Variants in DPYD observed in about 807,000 individuals in gnomAD.
DPYD encodes dihydropyrimidine dehydrogenase [NADP(+)].
A neutral mutation model predicts 116.2 loss-of-function variants in DPYD; 109 were observed. The ratio of observed to expected loss-of-function variants is 0.94; its 90% CI spans 0.80 to 1.10. The LOEUF (loss-of-function observed/expected upper bound fraction) is 1.10, where lower values mean the gene tolerates loss of function less well. DPYD is among the 50% of genes least tolerant of loss of function. The probability of loss-of-function intolerance (pLI) is 0.00; values close to 1 mark genes in which losing one functional copy is unlikely to be tolerated. For missense variants in DPYD, 1,302 were observed against 1,254.5 expected, an observed-to-expected ratio of 1.04 and a Z score of -0.57; for synonymous variants, 440 against 432.0, an observed-to-expected ratio of 1.02 and a Z score of -0.23.
At position 97,330,729 on chromosome 1, in the gene DPYD, C is replaced by T. The variant is rs540180156; in HGVS notation, c.2059-24432G>A. 4.6e-5 allele frequency among the ~76,000 whole-genome samples: 7 copies of T among 152,170 alleles called. No individual in the cohort carries two copies. In the South Asian group the frequency reaches 1.2e-3, roughly 27 times the overall value. On this transcript the variant is annotated intron_variant, in intron 16 of 22. Transcript: ENST00000370192. ...CTTTTGGGAAAGTCACAGTTAACTC[C>T]GTATATTCTATAACTACACAAATTA...
chr1:97,704,679 A>G (rs1233985221), intron 5 of DPYD, among the ~76,000 whole-genome samples: 1 of 152,026 alleles, frequency 6.6e-6, no homozygotes, highest in Non-Finnish European at 1.5e-5. Context: ...TTCTTAGAAT[A>G]TAGTTCCCTA....
rs532341730 is a variant in DPYD at position 97,573,827 on chromosome 1, A to G, written c.1272T>C (p.Asp424=). The G allele has an allele frequency of 2.5e-6, 4 of 1,613,638 alleles. No individual in the cohort carries two copies. Among genetic ancestry groups the G allele is most frequent in the East Asian group, 2.2e-5 (1 of 44,860 alleles). The change falls in exon 11 of 23, where the codon GAT becomes GAC. Residue 424 remains aspartate (D), a synonymous_variant. Coordinates refer to ENST00000370192, the MANE Select transcript of DPYD (RefSeq NM_000110.4). ...DETGKWNEDE[D]QMVHLKADVV... ...CATCGGCTTTCAGATGGACCATCTG[A>G]TCTTCATCTTCATTCCATTTTCCAG...
chr1:97,901,549 A>C (rs998166605), intron 1 of DPYD, among the ~76,000 whole-genome samples: 4 of 151,816 alleles, frequency 2.6e-5, no homozygotes, highest in Non-Finnish European at 5.9e-5. Flanking sequence ...TTGTAAAGAG[A>C]CAGAAAAGTA....
intron 20 of DPYD, among the ~76,000 whole-genome samples, chr1:97,156,437 C>T (rs1383269400): frequency 6.6e-6 from 1 of 151,904 alleles, no homozygotes; most frequent in Non-Finnish European, 1.5e-5. Context: ...ACAAACAACC[C>T]CATCAAAAAG....
At chr1:97,477,574 A>C (rs1678039441) in intron 13 of DPYD, among the ~76,000 whole-genome samples, 1 of 150,998 alleles carries the variant, frequency 6.6e-6, no homozygotes, top group Non-Finnish European at 1.5e-5. Context: ...GTTAATATGA[A>C]GATTCTGACC....
At chr1:97,291,376 A>T (rs1666159085) in intron 18 of DPYD, among the ~76,000 whole-genome samples, 1 of 151,992 alleles carries the variant, frequency 6.6e-6, no homozygotes, top group Non-Finnish European at 1.5e-5. Flanking sequence ...TGCTATAAAG[A>T]CACATGCACA....
Position 97,382,134 on chromosome 1 carries a change from T to C in DPYD, c.1974+259A>G, listed in dbSNP as rs6678229. ...GCTTAACATGCAAATAAAGAGTGTATGGATTCAGAGAATAAAGGATTTTTA... is the reference window on the plus strand; with the variant it reads ...GCTTAACATGCAAATAAAGAGTGTACGGATTCAGAGAATAAAGGATTTTTA... On this transcript the variant is annotated intron_variant, in intron 15 of 22. Coordinates refer to ENST00000370192, the MANE Select transcript of DPYD (RefSeq NM_000110.4). 7.7e-3 allele frequency among the ~76,000 whole-genome samples: 1,173 copies of C among 152,284 alleles called. 18 individuals carry two copies. Among genetic ancestry groups the C allele is most frequent in the African/African-American group, 0.027 (1,121 of 41,576 alleles).
chr1:97,278,872 T>C (rs1233662714), intron 18 of DPYD, among the ~76,000 whole-genome samples: 1 of 152,226 alleles, frequency 6.6e-6, no homozygotes, highest in East Asian at 1.9e-4. Context: ...AACACATATA[T>C]ACATAAATAT....
intron 8 of DPYD, among the ~76,000 whole-genome samples, chr1:97,633,469 A>G (rs1657390219): frequency 6.6e-6 from 1 of 152,068 alleles, no homozygotes; most frequent in South Asian, 2.1e-4. Flanking sequence ...GGGAACCTAG[A>G]GAGAGTGGGA....
intron 18 of DPYD, among the ~76,000 whole-genome samples, chr1:97,303,643 A>T (rs1405781154): frequency 6.6e-6 from 1 of 152,052 alleles, no homozygotes; most frequent in African/African-American, 2.4e-5. Context: ...AAAGGAGGAA[A>T]ACTATATTAA....
intron 8 of DPYD, among the ~76,000 whole-genome samples, chr1:97,598,816 A>AT (rs1476003461): frequency 2.6e-5 from 4 of 152,172 alleles, no homozygotes; most frequent in African/African-American, 9.7e-5. Flanking sequence ...ATATGAGGAA[A>AT]TTGAGGCATA....
chr1:97,573,984 G>T lies in DPYD; in HGVS notation c.1129-14C>A. On this transcript the variant is annotated splice_polypyrimidine_tract_variant and intron_variant, in intron 10 of 22. Transcript: ENST00000370192. ...AGCAAGTTCCATCTAAAACAAAACA[G>T]AACAGAGAAGAAACTTGAAAATGTT... The T allele has an allele frequency of 1.2e-6, 2 of 1,612,660 alleles. No homozygotes were observed. Among genetic ancestry groups the T allele is most frequent in the South Asian group, 2.2e-5 (2 of 90,950 alleles).
intron 8 of DPYD, among the ~76,000 whole-genome samples, chr1:97,634,270 G>T (rs1657434708): frequency 6.6e-6 from 1 of 152,014 alleles, no homozygotes; most frequent in East Asian, 1.9e-4. Flanking sequence ...TCCTGTAAAA[G>T]ATTCTAATGC....
At chr1:97,273,807 C>A (rs61786315) in intron 18 of DPYD, among the ~76,000 whole-genome samples, 1 of 152,082 alleles carries the variant, frequency 6.6e-6, no homozygotes, top group East Asian at 1.9e-4. Context: ...ATTTGAAACC[C>A]TGAAGCCCCA....
chr1:97,250,357 A>G (rs1266753121), intron 18 of DPYD, among the ~76,000 whole-genome samples: 5 of 152,230 alleles, frequency 3.3e-5, no homozygotes, highest in Non-Finnish European at 7.3e-5. Flanking sequence ...AATGACATAC[A>G]TCTATCCTAT....
At position 97,667,490 on chromosome 1, in the gene DPYD, A is replaced by G. The variant is rs1295198561; in HGVS notation, c.850+11605T>C. 2.0e-5 allele frequency among the ~76,000 whole-genome samples: 3 copies of G among 152,268 alleles called. No homozygotes were observed. The East Asian group carries it at 5.8e-4, about 29-fold the overall frequency. On this transcript the variant is annotated intron_variant, in intron 8 of 22. Coordinates refer to ENST00000370192, the MANE Select transcript of DPYD (RefSeq NM_000110.4). ...GGTAACAAGCAGGCTGCAAATGAAA[A>G]GCAAATGAAAAATCATTATATACTA...
Position 97,290,054 on chromosome 1 carries a change from C to T in DPYD, c.2299+15205G>A, listed in dbSNP as rs1206469559. ...AGCATTCTTATACACCAATAACAGACAGAGAGCCAAATCATGAGTGAACTA... is the reference window on the plus strand; with the variant it reads ...AGCATTCTTATACACCAATAACAGATAGAGAGCCAAATCATGAGTGAACTA... On this transcript the variant is annotated intron_variant, in intron 18 of 22. Transcript: ENST00000370192. Among the ~76,000 whole-genome samples the T allele has an allele frequency of 3.3e-5, 5 of 152,266 alleles. 1 individual carries two copies. The highest frequency in any genetic ancestry group is 3.3e-4 in the Admixed American group (5 of 15,292).
chr1:97,129,071 T>C (rs1283262671), intron 20 of DPYD, among the ~76,000 whole-genome samples: 1 of 136,286 alleles, frequency 7.3e-6, no homozygotes, highest in South Asian at 2.3e-4. Flanking sequence ...GCTGTATTCT[T>C]TTTTTTTTTT....
chr1:97,420,444 C>A (rs914074976), intron 14 of DPYD, among the ~76,000 whole-genome samples: 5 of 152,032 alleles, frequency 3.3e-5, no homozygotes, highest in Non-Finnish European at 7.4e-5. Flanking sequence ...CCTTGGCTAA[C>A]TGGTTTTGTT....
Sources: allele counts gnomAD v4.1 joint callset (sites outside exome capture counted in the v4.1 genomes callset), GRCh38; gene constraint gnomAD v4.1.1; transcripts MANE v1.5; gene names NCBI Gene and HGNC (gene_info 2026-07-23, HGNC 2026-07-21).